Variants in CRADD observed in about 807,000 individuals in gnomAD.
CRADD encodes CARD and death domain containing adaptor protein, also known as death domain-containing protein CRADD.
CRADD carries 9 observed loss-of-function variants against 15.5 expected under a neutral mutation model. The ratio of observed to expected loss-of-function variants is 0.58; its 90% CI spans 0.35 to 1.01. The LOEUF (loss-of-function observed/expected upper bound fraction) is 1.01. CRADD is among the 50% of genes least tolerant of loss of function. The pLI, the probability that CRADD is intolerant of heterozygous loss-of-function variation, is 0.02. For synonymous variants in CRADD, 118 were observed against 107.6 expected, an observed-to-expected ratio of 1.10 and a Z score of -0.60; for missense variants, 227 against 250.3, an observed-to-expected ratio of 0.91 and a Z score of 0.63.
intron 2 of CRADD, among the ~76,000 whole-genome samples, chr12:93,893,583 A>C (rs1958591700): frequency 1.3e-5 from 2 of 152,162 alleles, no homozygotes; most frequent in Admixed American, 1.3e-4. Flanking sequence ...TACTCGGCTA[A>C]ATTCTTCAAA....
chr12:93,847,347 T>C (rs1249252716), intron 2 of CRADD, among the ~76,000 whole-genome samples: 1 of 150,578 alleles, frequency 6.6e-6, no homozygotes, highest in African/African-American at 2.4e-5. Context: ...ATTATGAATA[T>C]AATTTTATAT....
chr12:93,836,777 T>G (rs1427033927), intron 2 of CRADD, among the ~76,000 whole-genome samples: 1 of 152,212 alleles, frequency 6.6e-6, no homozygotes, highest in Non-Finnish European at 1.5e-5. Context: ...GCCTACTATG[T>G]GCAAGGCACT....
intron 2 of CRADD, among the ~76,000 whole-genome samples, chr12:93,829,125 CT>C (rs11362017): frequency 0.18 from 25,353 of 142,560 alleles, 2,693 homozygotes; most frequent in Non-Finnish European, 0.26. Context: ...ATGATTTCAC[CT>C]TTTTTTTTTT....
intron 2 of CRADD, among the ~76,000 whole-genome samples, chr12:93,798,716 T>C (rs1247090217): frequency 1.3e-5 from 2 of 152,212 alleles, no homozygotes; most frequent in African/African-American, 4.8e-5. Context: ...ACTATTACTG[T>C]ACTGTTACTA....
chr12:93,722,053 G>T (rs1956275596), intron 2 of CRADD, among the ~76,000 whole-genome samples: 2 of 152,098 alleles, frequency 1.3e-5, no homozygotes, highest in South Asian at 4.1e-4. Context: ...GTCAATTTTT[G>T]TTAGTCTGAG....
At chr12:93,825,901 C>T (rs1304462080) in intron 2 of CRADD, among the ~76,000 whole-genome samples, 1 of 152,244 alleles carries the variant, frequency 6.6e-6, no homozygotes, top group Admixed American at 6.5e-5. Context: ...CCCATTAATA[C>T]AAGCACAGTT....
intron 2 of CRADD, among the ~76,000 whole-genome samples, chr12:93,807,788 A>G (rs12427384): frequency 0.29 from 44,321 of 151,580 alleles, 6,875 homozygotes; most frequent in East Asian, 0.54. Flanking sequence ...ATAAAAACCA[A>G]TGAGTACATC....
chr12:93,686,320 A>G (rs922562049), intron 2 of CRADD, among the ~76,000 whole-genome samples: 43 of 151,328 alleles, frequency 2.8e-4, no homozygotes, highest in African/African-American at 1.0e-3. Flanking sequence ...AAAAAAAAAA[A>G]AAAAAGAAAA....
At chr12:93,820,596 A>C (rs1385345710) in intron 2 of CRADD, among the ~76,000 whole-genome samples, 5 of 151,690 alleles carry the variant, frequency 3.3e-5, no homozygotes, top group Non-Finnish European at 5.9e-5. Flanking sequence ...GAGAAGACGC[A>C]TCACTGGGCC....
intron 2 of CRADD, among the ~76,000 whole-genome samples, chr12:93,871,298 A>T (rs1958417074): frequency 6.6e-6 from 1 of 152,154 alleles, no homozygotes; most frequent in African/African-American, 2.4e-5. Flanking sequence ...ATCTTGCCTC[A>T]CATTAAATGG....
intron 2 of CRADD, among the ~76,000 whole-genome samples, chr12:93,830,244 G>A (rs1421353815): frequency 6.6e-6 from 1 of 152,146 alleles, no homozygotes; most frequent in African/African-American, 2.4e-5. Context: ...ACGCTTGGAA[G>A]GCTCCCAGAA....
intron 2 of CRADD, among the ~76,000 whole-genome samples, chr12:93,886,774 C>G (rs1209467808): frequency 6.6e-6 from 1 of 152,172 alleles, no homozygotes; most frequent in Admixed American, 6.5e-5. Context: ...GCCATCGAGA[C>G]TGTCTGGCAA....
intron 2 of CRADD, among the ~76,000 whole-genome samples, chr12:93,763,833 T>C (rs1309452437): frequency 6.6e-6 from 1 of 152,162 alleles, no homozygotes; most frequent in African/African-American, 2.4e-5. Flanking sequence ...TGTGGGTCAG[T>C]ATAGTGTCAG....
chr12:93,774,912 G>C (rs1414060835), intron 2 of CRADD, among the ~76,000 whole-genome samples: 1 of 152,182 alleles, frequency 6.6e-6, no homozygotes, highest in East Asian at 1.9e-4. Flanking sequence ...CTGCTAGGGT[G>C]GGGAGGGAGA....
At chr12:93,812,207 T>A (rs1375309869) in intron 2 of CRADD, among the ~76,000 whole-genome samples, 1 of 152,150 alleles carries the variant, frequency 6.6e-6, no homozygotes, top group African/African-American at 2.4e-5. Flanking sequence ...ACTCTATCAA[T>A]CATAGAATGA....
chr12:93,701,277 TTCTC>T (rs150148156), intron 2 of CRADD, among the ~76,000 whole-genome samples: 2 of 133,102 alleles, frequency 1.5e-5, no homozygotes, highest in South Asian at 2.4e-4. Context: ...CTCCATATCC[TTCTC>T]TCTCTCTCTC....
intron 2 of CRADD, among the ~76,000 whole-genome samples, chr12:93,832,419 T>C (rs1051938250): frequency 1.3e-5 from 2 of 152,230 alleles, no homozygotes; most frequent in Non-Finnish European, 2.9e-5. Context: ...GTCAGCTGCC[T>C]TCTTAGCGTT....
At chr12:93,807,829 G>A (rs1301306216) in intron 2 of CRADD, among the ~76,000 whole-genome samples, 3 of 151,748 alleles carry the variant, frequency 2.0e-5, no homozygotes, top group East Asian at 1.9e-4. Flanking sequence ...TCGGGTGCCT[G>A]CTATGTGCTA....
intron 2 of CRADD, among the ~76,000 whole-genome samples, chr12:93,842,716 G>A (rs55700143): frequency 0.78 from 118,011 of 151,426 alleles, 46,282 homozygotes; most frequent in African/African-American, 0.87. Context: ...GGAGGAGGAG[G>A]TAGCTGGAGA....
Sources: allele counts gnomAD v4.1 joint callset (sites outside exome capture counted in the v4.1 genomes callset), GRCh38; gene constraint gnomAD v4.1.1; transcripts MANE v1.5; gene names NCBI Gene and HGNC (gene_info 2026-07-23, HGNC 2026-07-21).